Variants in SLMAP observed in about 807,000 individuals in gnomAD.
The protein encoded by SLMAP is sarcolemma associated protein.
A neutral mutation model predicts 128.8 loss-of-function variants in SLMAP; 44 were observed. That is an observed-to-expected ratio of 0.34 (90% CI 0.27 to 0.44). The LOEUF (loss-of-function observed/expected upper bound fraction) is 0.44, where lower values mean the gene tolerates loss of function less well. Ranked by LOEUF, SLMAP falls within the 20% of genes least tolerant of loss-of-function variation. The pLI, the probability that SLMAP is intolerant of heterozygous loss-of-function variation, is 1.00. For missense variants in SLMAP, 787 were observed against 985.3 expected (o/e 0.80, Z 2.69); for synonymous variants, 327 against 348.8 (o/e 0.94, Z 0.70).
chr3:57,796,800 A>G (rs2086830127), intron 2 of SLMAP, among the ~76,000 whole-genome samples: 1 of 152,230 alleles, frequency 6.6e-6, no homozygotes, highest in Non-Finnish European at 1.5e-5. Flanking sequence ...CACATTGTCA[A>G]AAATACTTAA....
At chr3:57,779,405 AGG>A (rs1348319719) in intron 2 of SLMAP, among the ~76,000 whole-genome samples, 1 of 150,238 alleles carries the variant, frequency 6.7e-6, no homozygotes, top group Admixed American at 6.7e-5. Context: ...GCTACTCAGG[AGG>A]CTGAGGTGGG....
intron 2 of SLMAP, among the ~76,000 whole-genome samples, chr3:57,809,371 A>T (rs1341109029): frequency 6.6e-6 from 1 of 152,202 alleles, no homozygotes; most frequent in Admixed American, 6.5e-5. Context: ...GCTGTCACAG[A>T]CCAGCCAGGT....
At chr3:57,828,781 G>GA (rs1341833721) in intron 2 of SLMAP, among the ~76,000 whole-genome samples, 1 of 151,970 alleles carries the variant, frequency 6.6e-6, no homozygotes, top group Admixed American at 6.6e-5. Context: ...ATTGATGTAA[G>GA]AAAAAAAATT....
intron 3 of SLMAP, among the ~76,000 whole-genome samples, chr3:57,837,710 AC>A (rs2093706524): frequency 6.6e-6 from 1 of 151,990 alleles, no homozygotes; most frequent in African/African-American, 2.4e-5. Flanking sequence ...AACTCATCAG[AC>A]CCTCAGATCC....
chr3:57,764,760 T>C (rs2079341325), intron 2 of SLMAP, among the ~76,000 whole-genome samples: 1 of 152,230 alleles, frequency 6.6e-6, no homozygotes, highest in Admixed American at 6.5e-5. Context: ...TTCACCTAGC[T>C]ATTAAATGGT....
At chr3:57,909,217 T>A (rs1400924005) in intron 19 of SLMAP, 67 bp downstream of exon 19, 1 of 1,211,482 alleles carries the variant, frequency 8.3e-7, no homozygotes, top group African/African-American at 1.5e-5. Context: ...TCAAAAGGAA[T>A]GGAGGCCAGG....
intron 2 of SLMAP, among the ~76,000 whole-genome samples, chr3:57,818,400 C>T (rs962816266): frequency 2.6e-5 from 4 of 152,202 alleles, no homozygotes; most frequent in Non-Finnish European, 5.9e-5. Flanking sequence ...GGTGATCCAC[C>T]CGCCTCGGCC....
chr3:57,861,752 A>G (rs1164190634), intron 9 of SLMAP, among the ~76,000 whole-genome samples, 197 bp from the exon 10 acceptor site: 6 of 152,070 alleles, frequency 3.9e-5, no homozygotes, highest in African/African-American at 1.4e-4. Flanking sequence ...GTTTTTGTTA[A>G]TTCTTAGTTA....
chr3:57,913,657 A>G (rs1395447756), intron 21 of SLMAP, among the ~76,000 whole-genome samples: 3 of 152,204 alleles, frequency 2.0e-5, no homozygotes, highest in Non-Finnish European at 4.4e-5. Context: ...GGAAGTGACT[A>G]TAATGAAGAA....
At position 57,882,412 on chromosome 3, in the gene SLMAP, ACTAAG is replaced by A. The variant is rs1465337197; in HGVS notation, c.1301-7626_1301-7622del. 2.0e-5 allele frequency among the ~76,000 whole-genome samples: 3 copies of A among 152,246 alleles called. No individual in the cohort carries two copies. In the East Asian group the frequency reaches 5.8e-4, roughly 29 times the overall value. On this transcript the variant is annotated intron_variant, in intron 14 of 24. Coordinates refer to ENST00000671191, the MANE Select transcript of SLMAP (RefSeq NM_001377540.1). ...AGTAATGTGGCTGAACAGATATGGGACTAAGCTGAGTTGTATGTGTGTCTGGAGAA... is the reference window on the plus strand; with the variant it reads ...AGTAATGTGGCTGAACAGATATGGGACTGAGTTGTATGTGTGTCTGGAGAA...
At chr3:57,884,738 G>C (rs955651799) in intron 14 of SLMAP, among the ~76,000 whole-genome samples, 2 of 152,134 alleles carry the variant, frequency 1.3e-5, no homozygotes, top group African/African-American at 4.8e-5. Context: ...GAGCCCAGAA[G>C]GTGGAGATTG....
rs151092634 is a variant in SLMAP, at chr3:57,758,515, G to A, written c.198+666G>A. ...AAATCACTTTTTGATGTTCCCTGCA[G>A]CACTTATTAAGTACTTAATGCATAC... On this transcript the variant is annotated intron_variant, in intron 2 of 24. Coordinates refer to ENST00000671191, the MANE Select transcript of SLMAP (RefSeq NM_001377540.1). Among the ~76,000 whole-genome samples, 218 of 152,254 alleles carry A rather than the reference G, an allele frequency of 1.4e-3. 1 individual carries two copies. Among genetic ancestry groups the A allele is most frequent in the African/African-American group, 5.0e-3 (207 of 41,550 alleles).
intron 2 of SLMAP, among the ~76,000 whole-genome samples, chr3:57,790,638 G>A (rs1381328549): frequency 1.3e-5 from 2 of 152,056 alleles, no homozygotes; most frequent in East Asian, 3.9e-4. Context: ...ATGTGAGTTT[G>A]TTAAAATGTA....
intron 19 of SLMAP, 88 bp from the exon 20 acceptor site, chr3:57,912,293 A>T: frequency 8.8e-7 from 1 of 1,132,158 alleles, no homozygotes; most frequent in Non-Finnish European, 1.3e-6. Flanking sequence ...AACAGCTCTG[A>T]CAACCCAGGT....
At position 57,849,893 on chromosome 3, in the gene SLMAP, G is replaced by T. The variant is rs1185555560; in HGVS notation, c.519+77G>T. Reference sequence around the variant, plus strand: ...AAAAGTTCTTAAAAGCAGAATTAGGGCCAGGCATGGTGGCTAATGCCTGTA... The same window carrying T: ...AAAAGTTCTTAAAAGCAGAATTAGGTCCAGGCATGGTGGCTAATGCCTGTA... On this transcript the variant is annotated intron_variant, in intron 6 of 24. Transcript: ENST00000671191. 8 of 842,790 alleles carry T rather than the reference G, an allele frequency of 9.5e-6. No individual in the cohort carries two copies. The Admixed American group carries it at 1.4e-4, about 15-fold the overall frequency. 52.2% of individuals were successfully genotyped at this position (842,790 alleles called of 1,614,324 possible).
At chr3:57,908,360 C>T (rs1165896705) in intron 18 of SLMAP, among the ~76,000 whole-genome samples, 1 of 152,218 alleles carries the variant, frequency 6.6e-6, no homozygotes, top group African/African-American at 2.4e-5. Flanking sequence ...TTTCTAGTAG[C>T]TCACTTATCT....
At chr3:57,799,192 C>A (rs2087549234) in intron 2 of SLMAP, among the ~76,000 whole-genome samples, 1 of 152,170 alleles carries the variant, frequency 6.6e-6, no homozygotes, top group Non-Finnish European at 1.5e-5. Flanking sequence ...ATACTTATAA[C>A]AGATGTTAAA....
chr3:57,916,866 T>A, intron 21 of SLMAP, 40 bp from the exon 22 acceptor site: 4 of 1,569,418 alleles, frequency 2.5e-6, no homozygotes, highest in Non-Finnish European at 3.5e-6. Context: ...GTGTCCAGTT[T>A]CTACCTGTGA....
rs1466560538 is a variant in SLMAP, at chr3:57,823,297, G to A, written c.199-8086G>A. 2.0e-5 allele frequency among the ~76,000 whole-genome samples: 3 copies of A among 152,020 alleles called. No homozygotes were observed. The East Asian group carries it at 5.8e-4, about 29-fold the overall frequency. On this transcript the variant is annotated intron_variant, in intron 2 of 24. Transcript: ENST00000671191. Reference sequence around the variant, plus strand: ...AGGTTTGTTACATGTATATACATGTGCCATGTTGGTGTGCTGCACCCATTA... The same window carrying A: ...AGGTTTGTTACATGTATATACATGTACCATGTTGGTGTGCTGCACCCATTA...
Sources: allele counts gnomAD v4.1 joint callset (sites outside exome capture counted in the v4.1 genomes callset), GRCh38; gene constraint gnomAD v4.1.1; transcripts MANE v1.5; gene names NCBI Gene and HGNC (gene_info 2026-07-23, HGNC 2026-07-21).